The following DNAH5 variants were observed in gnomAD, a reference collection of about 807,000 sequenced individuals.
The protein encoded by DNAH5 is dynein axonemal heavy chain 5, also known as axonemal beta dynein heavy chain 5.
A neutral mutation model predicts 518.2 loss-of-function variants in DNAH5; 372 were observed. The observed-to-expected ratio is 0.72, with a 90% CI of 0.66 to 0.78. The LOEUF (loss-of-function observed/expected upper bound fraction) is 0.78, where lower values mean the gene tolerates loss of function less well. Ranked by LOEUF, DNAH5 falls within the 30% of genes least tolerant of loss-of-function variation. DNAH5 has a pLI of 0.00. For missense variants in DNAH5, 5,523 were observed against 5,687.0 expected, an observed-to-expected ratio of 0.97 and a Z score of 0.93; for synonymous variants, 2,039 against 2,025.9, an observed-to-expected ratio of 1.01 and a Z score of -0.17.
chr5:13,753,958 T>C (rs756789684), intron 62 of DNAH5, among the ~76,000 whole-genome samples: 4 of 152,140 alleles, frequency 2.6e-5, no homozygotes, highest in Admixed American at 6.5e-5. Flanking sequence ...AAGGACAGCA[T>C]AGATGCCAGA....
intron 44 of DNAH5, among the ~76,000 whole-genome samples, chr5:13,810,698 G>C (rs1377879954): frequency 6.6e-6 from 1 of 151,658 alleles, no homozygotes; most frequent in Non-Finnish European, 1.5e-5. Flanking sequence ...AGCTTGCAGT[G>C]AGCCAAGATG....
Position 13,751,212 on chromosome 5 carries a change from A to G in DNAH5, c.11077T>C (p.Tyr3693His), listed in dbSNP as rs769286739. Residue 3693 changes from tyrosine (Y) to histidine (H), a missense_variant, in exon 65 of 79, where the codon TAC becomes CAC. This residue lies in a region of DNAH5 where 5,121 missense variants were observed against 5,223.3 expected (regional missense o/e 0.98). Transcript: ENST00000265104. ...EVDVLDGFRL[Y>H]ITTKLPNPAY... ...GGGTTAGGCAATTTGGTGGTAATGT[A>G]GAGTCTAAAGCCATCCAACACATCT... 6.8e-6 allele frequency: 11 copies of G among 1,613,794 alleles called. No homozygotes were observed. Among genetic ancestry groups the G allele is most frequent in the Non-Finnish European group, 9.3e-6 (11 of 1,179,894 alleles).
chr5:13,801,128 T>C (rs1758679644), intron 47 of DNAH5, among the ~76,000 whole-genome samples: 1 of 152,288 alleles, frequency 6.6e-6, no homozygotes, highest in South Asian at 2.1e-4. Flanking sequence ...TCATGTGGAA[T>C]TGTCATCCCC....
intron 29 of DNAH5, 132 bp from the exon 30 acceptor site, chr5:13,859,737 G>A: frequency 1.2e-6 from 1 of 831,562 alleles, no homozygotes; most frequent in Non-Finnish European, 2.0e-6. Flanking sequence ...GGCTTTTAAA[G>A]TGATGCAACC....
Position 13,853,312 on chromosome 5 carries a change from G to A in DNAH5, c.4951-2497C>T, listed in dbSNP as rs945504743. ...TTAGAGGAACACTAACAAACAGGAAGCAATAGCATCACCATCAACTAAAAG... is the reference window on the plus strand; with the variant it reads ...TTAGAGGAACACTAACAAACAGGAAACAATAGCATCACCATCAACTAAAAG... On this transcript the variant is annotated intron_variant, in intron 30 of 78. Transcript: ENST00000265104. Among the ~76,000 whole-genome samples the A allele has an allele frequency of 2.0e-5, 3 of 152,198 alleles. No homozygotes were observed. In the South Asian group the frequency reaches 6.2e-4, roughly 32 times the overall value.
chr5:13,839,537 C>T lies in DNAH5; in HGVS notation c.5710-9G>A, dbSNP rs1425299935. On this transcript the variant is annotated splice_polypyrimidine_tract_variant and intron_variant, in intron 34 of 78. Coordinates refer to ENST00000265104, the MANE Select transcript of DNAH5 (RefSeq NM_001369.3). Reference sequence around the variant, plus strand: ...TTGATATGCATATGACACTGAAATTCAAAAGGTATATGTTAGAGCTCTGAT... The same window carrying T: ...TTGATATGCATATGACACTGAAATTTAAAAGGTATATGTTAGAGCTCTGAT... The T allele has an allele frequency of 1.9e-6, 3 of 1,610,722 alleles. No homozygotes were observed. In the Admixed American group the frequency reaches 5.0e-5, roughly 27 times the overall value.
intron 1 of DNAH5, among the ~76,000 whole-genome samples, chr5:13,941,668 G>A (rs1353089922): frequency 4.6e-5 from 7 of 152,192 alleles, no homozygotes; most frequent in Non-Finnish European, 7.3e-5. Context: ...GCTTCTCGGC[G>A]GGAGAGGGAG....
At chr5:13,824,573 T>G (rs1246067401) in intron 38 of DNAH5, among the ~76,000 whole-genome samples, 2 of 152,234 alleles carry the variant, frequency 1.3e-5, no homozygotes, top group Admixed American at 1.3e-4. Flanking sequence ...CAGAACTAGC[T>G]GCTACAGCTT....
chr5:13,742,023 T>C lies in DNAH5; in HGVS notation c.11212-4528A>G, dbSNP rs547458110. Among the ~76,000 whole-genome samples the C allele has an allele frequency of 5.9e-5, 9 of 152,288 alleles. No individual in the cohort carries two copies. In the South Asian group the frequency reaches 1.9e-3, roughly 32 times the overall value. Reference sequence around the variant, plus strand: ...TCCATCTTCTCCCTTGATTCATTTCTGGCCAAATTTTCAGAAGCATGATAA... The same window carrying C: ...TCCATCTTCTCCCTTGATTCATTTCCGGCCAAATTTTCAGAAGCATGATAA... On this transcript the variant is annotated intron_variant, in intron 65 of 78. Coordinates refer to ENST00000265104, the MANE Select transcript of DNAH5 (RefSeq NM_001369.3).
rs767690104 is a variant in DNAH5 at position 13,766,193 on chromosome 5, G to A, written c.9898-14C>T. ...AGGCCTGATGGTCTGGGGGATGAAA[G>A]GAACGATCACCCAACCACAGATAGG... On this transcript the variant is annotated splice_polypyrimidine_tract_variant and intron_variant, in intron 58 of 78. Transcript: ENST00000265104. 1.2e-6 allele frequency: 2 copies of A among 1,613,822 alleles called. No individual in the cohort carries two copies. Among genetic ancestry groups the A allele is most frequent in the East Asian group, 2.2e-5 (1 of 44,880 alleles).
intron 41 of DNAH5, 69 bp from the exon 42 acceptor site, chr5:13,817,763 C>T (rs1341125286): frequency 1.3e-6 from 2 of 1,507,510 alleles, no homozygotes; most frequent in Admixed American, 1.7e-5. Flanking sequence ...CAACATTGCA[C>T]TAATTTGTGG....
At chr5:13,794,164 TA>T (rs1393048307) in intron 47 of DNAH5, 106 bp from the exon 48 acceptor site, 1 of 1,472,134 alleles carries the variant, frequency 6.8e-7, no homozygotes, top group Non-Finnish European at 9.3e-7. Flanking sequence ...TGATATGAAT[TA>T]TTTCTAAAAA....
At chr5:13,827,402 T>G (rs1354669926) in intron 38 of DNAH5, among the ~76,000 whole-genome samples, 1 of 150,678 alleles carries the variant, frequency 6.6e-6, no homozygotes, top group Non-Finnish European at 1.5e-5. Flanking sequence ...AAAAATGGTT[T>G]CCTGGGCCAG....
chr5:13,735,957 A>T (rs751099855), intron 66 of DNAH5, 25 bp from the exon 67 acceptor site: 1 of 1,561,662 alleles, frequency 6.4e-7, no homozygotes. Context: ...GCAAGGTTGC[A>T]TGTGCTACGA....
At chr5:13,745,586 C>T (rs1371050849) in intron 65 of DNAH5, among the ~76,000 whole-genome samples, 1 of 152,054 alleles carries the variant, frequency 6.6e-6, no homozygotes, top group African/African-American at 2.4e-5. Flanking sequence ...GGACACAGAA[C>T]AGCTGATGAA....
intron 38 of DNAH5, among the ~76,000 whole-genome samples, chr5:13,829,155 A>G (rs1763304515): frequency 6.6e-6 from 1 of 152,216 alleles, no homozygotes; most frequent in Non-Finnish European, 1.5e-5. Context: ...TGAGCTTAGA[A>G]TGAAGAAGAA....
intron 1 of DNAH5, among the ~76,000 whole-genome samples, chr5:13,988,893 A>AT (rs1288296462): frequency 6.6e-6 from 1 of 151,144 alleles, no homozygotes; most frequent in East Asian, 1.9e-4. Context: ...TGCCCAGCTA[A>AT]TTTTTTGTAT....
chr5:13,888,689 A>G (rs1772757457), intron 17 of DNAH5, among the ~76,000 whole-genome samples: 2 of 152,238 alleles, frequency 1.3e-5, no homozygotes, highest in East Asian at 1.9e-4. Context: ...TGAAATTGGT[A>G]GTACTGCATT....
chr5:13,881,403 G>C (rs566530563), intron 21 of DNAH5, among the ~76,000 whole-genome samples: 207 of 152,004 alleles, frequency 1.4e-3, no homozygotes, highest in Middle Eastern at 6.8e-3. Flanking sequence ...GACACAAAAT[G>C]AGTCTTAACA....
Sources: gnomAD v4.1 joint callset for allele counts (sites outside exome capture counted in the v4.1 genomes callset) on GRCh38, gnomAD v4.1.1 for gene constraint, gnomAD v4.1.1 regional missense constraint, MANE v1.5 for transcripts, NCBI Gene and HGNC (gene_info 2026-07-23, HGNC 2026-07-21) for gene names.